FGGY: variants seen among roughly 807,000 people sequenced by gnomAD.
FGGY encodes FGGY carbohydrate kinase domain containing.
In FGGY, 72 loss-of-function variants were observed where a neutral mutation model predicts 71.3. That is an observed-to-expected ratio of 1.01 (90% CI 0.84 to 1.23). FGGY has a LOEUF of 1.23. Ranked by LOEUF, FGGY falls within the 50% of genes most tolerant of loss-of-function variation. The pLI is 0.00. For synonymous variants in FGGY, 251 were observed against 250.3 expected (o/e 1.00, Z -0.02); for missense variants, 668 against 682.3 (o/e 0.98, Z 0.23).
intron 11 of FGGY, among the ~76,000 whole-genome samples, chr1:59,642,093 G>A (rs1457710871): frequency 2.0e-5 from 3 of 152,108 alleles, no homozygotes; most frequent in Non-Finnish European, 2.9e-5. Flanking sequence ...AGGAGGAAGG[G>A]TGATGGCTTG....
chr1:59,298,257 C>T (rs951331558), intron 1 of FGGY, among the ~76,000 whole-genome samples: 5 of 152,252 alleles, frequency 3.3e-5, no homozygotes, highest in South Asian at 2.1e-4. Context: ...TGGCTCTTGA[C>T]CTGATGGCCA....
intron 6 of FGGY, chr1:59,474,295 C>T (rs140561142): frequency 1.6e-4 from 24 of 152,292 alleles, no homozygotes; most frequent in African/African-American, 5.8e-4. Context: ...GTGAGGTCAC[C>T]CCCAACTTCT....
intron 8 of FGGY, among the ~76,000 whole-genome samples, chr1:59,559,441 G>A (rs1215501317): frequency 3.3e-5 from 5 of 152,226 alleles, no homozygotes; most frequent in African/African-American, 1.2e-4. Flanking sequence ...CATAGATGCA[G>A]ATGGATGCAT....
At chr1:59,627,479 TATATATATATACAC>T (rs1410804452) in intron 10 of FGGY, among the ~76,000 whole-genome samples, 3,198 of 132,422 alleles carry the variant, frequency 0.024, 138 homozygotes, top group African/African-American at 0.098. Flanking sequence ...TATATATATA[TATATATATATACAC>T]ACACACACAC....
intron 6 of FGGY, among the ~76,000 whole-genome samples, chr1:59,463,233 A>G (rs2092380531): frequency 6.6e-6 from 1 of 152,236 alleles, no homozygotes; most frequent in Admixed American, 6.5e-5. Flanking sequence ...AAGAATTTTC[A>G]ACACAGAATT....
At chr1:59,490,450 T>C (rs1486300075) in intron 6 of FGGY, among the ~76,000 whole-genome samples, 2 of 152,326 alleles carry the variant, frequency 1.3e-5, no homozygotes, top group African/African-American at 2.4e-5. Flanking sequence ...GCAAGTATTT[T>C]CTCCCATTCT....
At chr1:59,463,475 T>A (rs1172814890) in intron 6 of FGGY, among the ~76,000 whole-genome samples, 1 of 152,122 alleles carries the variant, frequency 6.6e-6, no homozygotes, top group African/African-American at 2.4e-5. Flanking sequence ...ATAACCAGCT[T>A]ACATCATAAT....
At chr1:59,588,292 T>C (rs1428651460) in intron 8 of FGGY, among the ~76,000 whole-genome samples, 1 of 152,022 alleles carries the variant, frequency 6.6e-6, no homozygotes, top group Non-Finnish European at 1.5e-5. Flanking sequence ...TATGGGACTA[T>C]GTGAAAAGAC....
intron 5 of FGGY, among the ~76,000 whole-genome samples, chr1:59,379,998 A>G (rs2059195909): frequency 6.6e-6 from 1 of 151,044 alleles, no homozygotes; most frequent in Non-Finnish European, 1.5e-5. Context: ...TCCTGTGTCC[A>G]TGTGTTCTCA....
intron 1 of FGGY, 41 bp from the exon 2 acceptor site, chr1:59,321,495 C>T: frequency 6.4e-7 from 1 of 1,556,590 alleles, no homozygotes; most frequent in Non-Finnish European, 8.8e-7. Context: ...CTTTGCAGAT[C>T]CACTTGGTCT....
chr1:59,373,494 T>C (rs1028594593), intron 4 of FGGY, among the ~76,000 whole-genome samples: 76 of 152,280 alleles, frequency 5.0e-4, no homozygotes, highest in African/African-American at 1.8e-3. Context: ...AGGTAATTTA[T>C]AGATTCAGTG....
chr1:59,457,005 A>T lies in FGGY; in HGVS notation c.599A>T (p.Lys200Ile), dbSNP rs768969596. Residue 200 changes from lysine to isoleucine, a missense_variant, in exon 6 of 16, where the codon AAA becomes ATA. Around this residue, in one of 2 missense-constraint regions of FGGY, gnomAD observed 661 missense variants for 661.6 expected, o/e 1.00. Coordinates refer to ENST00000303721, the MANE Select transcript of FGGY (RefSeq NM_018291.5). ...LVCKWTYSAE[K>I]GWDDSFWKMI... ...TGTAAGTGGACATATTCAGCAGAGA[A>T]AGGCTGGGACGACAGTTTCTGGAAA... 3.7e-6 allele frequency: 6 copies of T among 1,614,134 alleles called. No individual in the cohort carries two copies. The South Asian group carries it at 6.6e-5, about 18-fold the overall frequency.
Position 59,610,942 on chromosome 1 carries a change from C to T in FGGY, c.1011+3032C>T, listed in dbSNP as rs143260571. On this transcript the variant is annotated intron_variant, in intron 9 of 15. Transcript: ENST00000303721. ...AGCACAGCAGTCTCAGATCCAACTG[C>T]AAGGCAGCAGTGAGGCTGGGGTAGG... Among the ~76,000 whole-genome samples, 99 of 152,354 alleles carry T rather than the reference C, an allele frequency of 6.5e-4. 2 individuals carry two copies. Among genetic ancestry groups the T allele is most frequent in the African/African-American group, 2.2e-3 (92 of 41,594 alleles).
At chr1:59,467,175 A>G (rs1467506018) in intron 6 of FGGY, among the ~76,000 whole-genome samples, 1 of 152,338 alleles carries the variant, frequency 6.6e-6, no homozygotes, top group South Asian at 2.1e-4. Flanking sequence ...GCAGCAATAA[A>G]ACAGGATGAG....
intron 5 of FGGY, among the ~76,000 whole-genome samples, chr1:59,412,184 C>T (rs939245549): frequency 6.6e-6 from 1 of 152,160 alleles, no homozygotes; most frequent in African/African-American, 2.4e-5. Context: ...GACAGTACCT[C>T]ACCTCATGCT....
chr1:59,404,069 A>G (rs1381032613), intron 5 of FGGY, among the ~76,000 whole-genome samples: 2 of 152,256 alleles, frequency 1.3e-5, no homozygotes, highest in African/African-American at 4.8e-5. Flanking sequence ...AGAACCAAAT[A>G]CAACTTGCAA....
chr1:59,364,366 T>C (rs2056196448), intron 4 of FGGY, among the ~76,000 whole-genome samples: 1 of 152,258 alleles, frequency 6.6e-6, no homozygotes, highest in African/African-American at 2.4e-5. Context: ...CTAGAATATG[T>C]CTCTGCTCCT....
chr1:59,546,518 A>AC (rs1378177260), intron 7 of FGGY, among the ~76,000 whole-genome samples: 1 of 134,608 alleles, frequency 7.4e-6, no homozygotes, highest in African/African-American at 3.1e-5. Flanking sequence ...GATGATGATG[A>AC]TGATGATGAT....
intron 5 of FGGY, among the ~76,000 whole-genome samples, chr1:59,390,017 T>TA (rs775278938): frequency 3.7e-4 from 57 of 152,286 alleles, no homozygotes; most frequent in Admixed American, 2.2e-3. Context: ...TGCATTGTTT[T>TA]ATGGTTGTGT....
Sources: allele counts gnomAD v4.1 joint callset (sites outside exome capture counted in the v4.1 genomes callset), GRCh38; gene constraint gnomAD v4.1.1; regional missense constraint gnomAD v4.1.1; transcripts MANE v1.5; gene names NCBI Gene and HGNC (gene_info 2026-07-23, HGNC 2026-07-21).